Variants in KLF12 observed in about 807,000 individuals in gnomAD.
KLF12 encodes the protein Krueppel-like factor 12.
In KLF12, 9 loss-of-function variants were observed where a neutral mutation model predicts 37.8. The observed-to-expected ratio is 0.24, with a 90% CI of 0.14 to 0.42. The LOEUF is 0.42. Ranked by LOEUF, KLF12 falls within the 10% of genes least tolerant of loss-of-function variation. KLF12 has a pLI of 1.00. For synonymous variants in KLF12, 208 were observed against 202.1 expected (o/e 1.03, Z -0.25); for missense variants, 411 against 516.0 (o/e 0.80, Z 1.97).
At chr13:73,960,459 CA>C (rs1165564399) in intron 2 of KLF12, 7 of 212,310 alleles carry the variant, frequency 3.3e-5, no homozygotes, top group South Asian at 1.0e-4. Context: ...AAATGTGAGG[CA>C]AAAAAAGAGT....
At chr13:74,126,754 A>G (rs1241658704) in intron 1 of KLF12, among the ~76,000 whole-genome samples, 1 of 152,232 alleles carries the variant, frequency 6.6e-6, no homozygotes, top group Non-Finnish European at 1.5e-5. Flanking sequence ...CAAAAAAGGC[A>G]TTCATCAAAT....
chr13:74,051,505 G>T (rs887449309), intron 1 of KLF12, among the ~76,000 whole-genome samples: 1 of 152,116 alleles, frequency 6.6e-6, no homozygotes, highest in Non-Finnish European at 1.5e-5. Context: ...TAGAACTGGG[G>T]AATGAAGATA....
chr13:73,719,646 A>G (rs757646261), intron 6 of KLF12, among the ~76,000 whole-genome samples: 6 of 150,984 alleles, frequency 4.0e-5, no homozygotes, highest in Non-Finnish European at 7.4e-5. Context: ...TGTCATCTAG[A>G]CTGGTGGCCT....
At chr13:73,893,254 G>C (rs554170427) in intron 3 of KLF12, among the ~76,000 whole-genome samples, 1 of 151,094 alleles carries the variant, frequency 6.6e-6, no homozygotes, top group Non-Finnish European at 1.5e-5. Context: ...TTAATTATGT[G>C]TATGGTGTGG....
chr13:74,041,788 A>C (rs9592965), intron 1 of KLF12, among the ~76,000 whole-genome samples: 42,616 of 151,752 alleles, frequency 0.28, 6,351 homozygotes, highest in Middle Eastern at 0.43. Context: ...TTTTCAGAGC[A>C]ATCTCCTGAG....
chr13:73,792,399 C>T (rs1018327722), intron 5 of KLF12, among the ~76,000 whole-genome samples: 117 of 152,196 alleles, frequency 7.7e-4, no homozygotes, highest in African/African-American at 2.5e-3. Flanking sequence ...GTATCGATGG[C>T]AGCATCCAAT....
intron 3 of KLF12, among the ~76,000 whole-genome samples, chr13:73,862,051 T>A (rs1036126195): frequency 8.8e-6 from 1 of 113,358 alleles, no homozygotes; most frequent in Non-Finnish European, 1.8e-5. Flanking sequence ...GCAGATATAG[T>A]TGGGTTTTTT....
chr13:74,254,474 C>A, the KLF12 span, among the ~76,000 whole-genome samples: 1 of 152,144 alleles, frequency 6.6e-6, no homozygotes, highest in Non-Finnish European at 1.5e-5. Flanking sequence ...CCCAATAAGG[C>A]AGGCATTATT....
chr13:73,956,799 G>A (rs893247557), intron 2 of KLF12, among the ~76,000 whole-genome samples: 5 of 151,902 alleles, frequency 3.3e-5, no homozygotes, highest in Non-Finnish European at 7.4e-5. Flanking sequence ...ATGGTGGTGT[G>A]CACCTATAGT....
At chr13:73,868,593 A>G (rs1385028496) in intron 3 of KLF12, among the ~76,000 whole-genome samples, 3 of 151,934 alleles carry the variant, frequency 2.0e-5, no homozygotes, top group East Asian at 2.0e-4. Context: ...GTTTCACCAT[A>G]TTGGCCAGGC....
chr13:74,302,491 A>T, the KLF12 span, among the ~76,000 whole-genome samples: 73 of 152,160 alleles, frequency 4.8e-4, no homozygotes, highest in Admixed American at 4.6e-4. Context: ...ACCAAACTAA[A>T]CTAAAGGAAT....
At position 73,878,316 on chromosome 13, in the gene KLF12, T is replaced by C. The variant is rs866394474; in HGVS notation, c.124-31943A>G. ...AAGGCTAATAAAAAGGGAAAAACCT[T>C]TTTCCCCTTCTTACATGGGCCAAAA... On this transcript the variant is annotated intron_variant, in intron 3 of 7. Transcript: ENST00000377669. Among the ~76,000 whole-genome samples, 10 of 152,246 alleles carry C rather than the reference T, an allele frequency of 6.6e-5. No individual in the cohort carries two copies. In the South Asian group the frequency reaches 8.3e-4, roughly 13 times the overall value.
At chr13:73,824,675 A>C (rs541371014) in intron 4 of KLF12, among the ~76,000 whole-genome samples, 73 of 152,308 alleles carry the variant, frequency 4.8e-4, no homozygotes, top group African/African-American at 1.7e-3. Flanking sequence ...TTACTCTGTA[A>C]AATTGGATGA....
At chr13:73,944,355 T>C (rs1890325800) in intron 2 of KLF12, among the ~76,000 whole-genome samples, 1 of 152,168 alleles carries the variant, frequency 6.6e-6, no homozygotes, top group African/African-American at 2.4e-5. Context: ...TTAATTTATA[T>C]GGGGCTGCAA....
chr13:74,194,091 A>G, the KLF12 span, among the ~76,000 whole-genome samples: 1 of 152,180 alleles, frequency 6.6e-6, no homozygotes, highest in African/African-American at 2.4e-5. Flanking sequence ...CCTTGGAAGG[A>G]AGAATGGGAG....
intron 6 of KLF12, among the ~76,000 whole-genome samples, chr13:73,715,959 G>A (rs980226071): frequency 6.6e-6 from 1 of 152,180 alleles, no homozygotes; most frequent in Admixed American, 6.5e-5. Flanking sequence ...GGTCTGCACT[G>A]CATGTGACAA....
chr13:73,773,256 C>G (rs866711116), intron 5 of KLF12, among the ~76,000 whole-genome samples: 4 of 152,042 alleles, frequency 2.6e-5, no homozygotes, highest in African/African-American at 7.2e-5. Flanking sequence ...GAGAACAGGA[C>G]ATCTTCTCGA....
chr13:74,072,149 T>C (rs1874288969), intron 1 of KLF12, among the ~76,000 whole-genome samples: 1 of 151,960 alleles, frequency 6.6e-6, no homozygotes, highest in African/African-American at 2.4e-5. Flanking sequence ...CCATTTGGCT[T>C]CACTTCAAAT....
At chr13:73,830,187 G>A (rs1246680100) in intron 4 of KLF12, among the ~76,000 whole-genome samples, 1 of 152,168 alleles carries the variant, frequency 6.6e-6, no homozygotes, top group Admixed American at 6.5e-5. Context: ...ACTAAGCAGT[G>A]CATCACCAGT....
Sources: allele counts gnomAD v4.1 joint callset (sites outside exome capture counted in the v4.1 genomes callset), GRCh38; gene constraint gnomAD v4.1.1; transcripts MANE v1.5; gene names NCBI Gene and HGNC (gene_info 2026-07-23, HGNC 2026-07-21).